The following HNF4G variants were observed in gnomAD, a reference collection of about 807,000 sequenced individuals.
HNF4G encodes the protein hepatocyte nuclear factor 4 gamma, also known as hepatocyte nuclear factor 4-gamma.
Under a neutral mutation model 50.9 loss-of-function variants are expected in HNF4G, and 21 were observed. The ratio of observed to expected loss-of-function variants is 0.41; its 90% CI spans 0.29 to 0.59. The LOEUF (loss-of-function observed/expected upper bound fraction) is 0.59, where lower values mean the gene tolerates loss of function less well. HNF4G is among the 20% of genes least tolerant of loss of function. HNF4G has a pLI of 0.26. For synonymous variants in HNF4G, 198 were observed against 185.6 expected (o/e 1.07, Z -0.54); for missense variants, 527 against 559.4 (o/e 0.94, Z 0.58).
At chr8:75,479,835 C>T (rs1424515025) in intron 1 of HNF4G, among the ~76,000 whole-genome samples, 1 of 152,034 alleles carries the variant, frequency 6.6e-6, no homozygotes, top group Non-Finnish European at 1.5e-5. Context: ...TTATCCATCA[C>T]ATCAATGTTT....
chr8:75,529,133 A>C (rs1353242436), intron 2 of HNF4G, among the ~76,000 whole-genome samples: 1 of 78,296 alleles, frequency 1.3e-5, no homozygotes, highest in African/African-American at 6.1e-5. Flanking sequence ...AAAAATACAA[A>C]AAAAAAAATT....
intron 4 of HNF4G, among the ~76,000 whole-genome samples, chr8:75,552,099 T>C (rs564419407): frequency 1.3e-5 from 2 of 152,356 alleles, no homozygotes; most frequent in Non-Finnish European, 2.9e-5. Context: ...ACTTTAGCAT[T>C]GCCCTTATTA....
intron 1 of HNF4G, among the ~76,000 whole-genome samples, chr8:75,426,492 A>G (rs1236657683): frequency 6.6e-6 from 1 of 152,216 alleles, no homozygotes; most frequent in Admixed American, 6.5e-5. Flanking sequence ...CTGAACCAGG[A>G]AGTGAACTCA....
chr8:75,428,560 A>G (rs1270343133), intron 1 of HNF4G, among the ~76,000 whole-genome samples: 1 of 152,222 alleles, frequency 6.6e-6, no homozygotes. Context: ...AAGCGCAGAA[A>G]GAGCTTCACT....
At chr8:75,508,708 C>T (rs531371406) in intron 2 of HNF4G, among the ~76,000 whole-genome samples, 8 of 152,146 alleles carry the variant, frequency 5.3e-5, no homozygotes, top group African/African-American at 1.7e-4. Flanking sequence ...AGACAGGAGC[C>T]GTAACCACGT....
chr8:75,429,084 T>C (rs997542158), intron 1 of HNF4G, among the ~76,000 whole-genome samples: 2 of 152,146 alleles, frequency 1.3e-5, no homozygotes, highest in African/African-American at 2.4e-5. Flanking sequence ...AAATGGCAAG[T>C]GTGCGAGAAA....
intron 1 of HNF4G, among the ~76,000 whole-genome samples, chr8:75,543,332 G>C (rs1365905753): frequency 6.6e-6 from 1 of 152,164 alleles, no homozygotes; most frequent in Non-Finnish European, 1.5e-5. Context: ...AAACTGGATG[G>C]ATCCATTGAC....
intron 2 of HNF4G, chr8:75,526,995 C>T (rs1229441865): frequency 6.6e-6 from 1 of 151,988 alleles, no homozygotes; most frequent in Non-Finnish European, 1.5e-5. Context: ...ACAGGAGGGT[C>T]CCGATCTCCA....
chr8:75,473,607 C>G (rs1812172414), intron 1 of HNF4G, among the ~76,000 whole-genome samples: 1 of 152,134 alleles, frequency 6.6e-6, no homozygotes, highest in Non-Finnish European at 1.5e-5. Context: ...GGCTCTTTAG[C>G]TATTAAAGAA....
intron 2 of HNF4G, among the ~76,000 whole-genome samples, chr8:75,514,350 C>CTTTTTTTTTTTTTTTTTTTTTTTTTT (rs1805836666): frequency 1.5e-5 from 1 of 66,300 alleles, no homozygotes; most frequent in Admixed American, 1.3e-4. Flanking sequence ...TTTCTTTCTT[C>CTTTTTTTTTTTTTTTTTTTTTTTTTT]TTTCTTTTTT....
chr8:75,525,390 G>A (rs1414532305), intron 2 of HNF4G, among the ~76,000 whole-genome samples: 1 of 152,136 alleles, frequency 6.6e-6, no homozygotes, highest in Non-Finnish European at 1.5e-5. Context: ...GGATGGTCTC[G>A]ATCTCTTGAC....
intron 1 of HNF4G, among the ~76,000 whole-genome samples, chr8:75,445,255 G>A (rs1300287971): frequency 3.8e-5 from 3 of 78,244 alleles, no homozygotes; most frequent in Non-Finnish European, 7.4e-5. Context: ...CAACATACCA[G>A]AATCTCTGGG....
At chr8:75,431,819 G>A (rs530134859) in intron 1 of HNF4G, among the ~76,000 whole-genome samples, 5 of 151,786 alleles carry the variant, frequency 3.3e-5, no homozygotes, top group South Asian at 2.1e-4. Context: ...CCAGCTACTC[G>A]GGAGGCTGAG....
At chr8:75,499,771 C>A (rs1329786647) in intron 2 of HNF4G, among the ~76,000 whole-genome samples, 1 of 151,584 alleles carries the variant, frequency 6.6e-6, no homozygotes. Flanking sequence ...ACAAGGGCAC[C>A]AAGACAATTC....
Position 75,543,819 on chromosome 8 carries a change from G to T in HNF4G, c.127G>T (p.Ala43Ser), listed in dbSNP as rs749999551. The change falls in exon 2 of 10, where the codon GCC becomes TCC. Residue 43 changes from alanine to serine, a missense_variant. Ala to Ser is a moderately conservative substitution (Grantham distance 99). Around this residue, in one of 5 missense-constraint regions of HNF4G, gnomAD observed 84 missense variants for 87.1 expected, o/e 0.96. Coordinates refer to ENST00000396423, the MANE Select transcript of HNF4G (RefSeq NM_004133.5). ...TCCTTTTTTATTGACAGATAGTTCT[G>T]CCCCAGAGACAAGTATGAATACCAC... ...QILYNSSDSS[A>S]PETSMNTTDN... is the part of the protein sequence containing the mutation. The T allele has an allele frequency of 1.9e-5, 31 of 1,610,888 alleles. No homozygotes were observed. Among genetic ancestry groups the T allele is most frequent in the Non-Finnish European group, 2.5e-5 (29 of 1,178,546 alleles).
At chr8:75,427,576 C>T (rs1336606320) in intron 1 of HNF4G, among the ~76,000 whole-genome samples, 2 of 143,264 alleles carry the variant, frequency 1.4e-5, no homozygotes, top group Non-Finnish European at 3.0e-5. Flanking sequence ...GACCCTGTCT[C>T]AAAAAAAAAT....
intron 1 of HNF4G, among the ~76,000 whole-genome samples, chr8:75,418,440 T>C (rs1158369072): frequency 1.3e-5 from 2 of 152,222 alleles, no homozygotes; most frequent in African/African-American, 4.8e-5. Context: ...TTACAGTCTA[T>C]GCATATATTT....
intron 1 of HNF4G, among the ~76,000 whole-genome samples, chr8:75,451,104 A>G (rs994577477): frequency 2.2e-4 from 34 of 152,332 alleles, no homozygotes; most frequent in African/African-American, 8.2e-4. Context: ...ACATTTTTTC[A>G]TATACTCCAT....
chr8:75,504,861 G>A (rs1321812034), intron 2 of HNF4G, among the ~76,000 whole-genome samples: 1 of 152,028 alleles, frequency 6.6e-6, no homozygotes, highest in East Asian at 1.9e-4. Flanking sequence ...ATTGTGAATT[G>A]TGGAAACTAC....
Sources: gnomAD v4.1 joint callset for allele counts (sites outside exome capture counted in the v4.1 genomes callset) on GRCh38, gnomAD v4.1.1 for gene constraint, gnomAD v4.1.1 regional missense constraint, MANE v1.5 for transcripts, NCBI Gene and HGNC (gene_info 2026-07-23, HGNC 2026-07-21) for gene names.